The following KCNT2 variants were observed in gnomAD, a reference collection of about 807,000 sequenced individuals.
KCNT2 encodes the protein potassium sodium-activated channel subfamily T member 2.
A neutral mutation model predicts 153.8 loss-of-function variants in KCNT2; 67 were observed. The observed-to-expected ratio is 0.44, with a 90% CI of 0.36 to 0.53. The LOEUF (loss-of-function observed/expected upper bound fraction) is 0.53. Ranked by LOEUF, KCNT2 falls within the 20% of genes least tolerant of loss-of-function variation. The probability of loss-of-function intolerance (pLI) is 0.00; values close to 1 mark genes in which losing one functional copy is unlikely to be tolerated. For synonymous variants in KCNT2, 500 were observed against 458.8 expected, an observed-to-expected ratio of 1.09 and a Z score of -1.15; for missense variants, 975 against 1,354.8, an observed-to-expected ratio of 0.72 and a Z score of 4.40.
chr1:196,392,815 T>C (rs972015070), intron 13 of KCNT2, among the ~76,000 whole-genome samples: 4 of 151,444 alleles, frequency 2.6e-5, no homozygotes, highest in Non-Finnish European at 5.9e-5. Context: ...AATCAAACTC[T>C]ATGAATGATA....
At position 196,274,870 on chromosome 1, in the gene KCNT2, T is replaced by C. The variant is rs143335490; in HGVS notation, c.2910+5990A>G. ...CACACTGGAAAACTGGAGGCAAACA[T>C]AGGTCTACCTTTTCTTAACCAAAGG... On this transcript the variant is annotated intron_variant, in intron 25 of 27. Coordinates refer to ENST00000294725, the MANE Select transcript of KCNT2 (RefSeq NM_198503.5). Among the ~76,000 whole-genome samples, 54 of 151,964 alleles carry C rather than the reference T, an allele frequency of 3.6e-4. No homozygotes were observed. The East Asian group carries it at 8.3e-3, about 23-fold the overall frequency.
Position 196,428,129 on chromosome 1 carries a change from T to C in KCNT2, c.960A>G (p.Glu320=). The change falls in exon 10 of 28, where the codon GAA becomes GAG. Residue 320 remains glutamate (E), a synonymous_variant. Transcript: ENST00000294725. ...CCTGGAGCCTAGGATGAGCATAGAA[T>C]TCATTTAAAAAATCCATAAGTAAAT... ...KIDLLMDFLN[E]FYAHPRLQDY... 6.2e-7 allele frequency: 1 copy of C among 1,612,486 alleles called. No homozygotes were observed. The highest frequency in any genetic ancestry group is 8.5e-7 in the Non-Finnish European group (1 of 1,179,024).
chr1:196,481,934 T>C (rs1235877161), intron 4 of KCNT2, among the ~76,000 whole-genome samples: 1 of 152,162 alleles, frequency 6.6e-6, no homozygotes, highest in Non-Finnish European at 1.5e-5. Flanking sequence ...TAATTATTTA[T>C]TGATATTCTA....
At chr1:196,292,811 C>CAAA (rs750026564) in intron 22 of KCNT2, among the ~76,000 whole-genome samples, 11 of 69,282 alleles carry the variant, frequency 1.6e-4, no homozygotes, top group Non-Finnish European at 1.9e-4. Context: ...GACTCTGTCT[C>CAAA]AAAAAAAAAA....
chr1:196,536,553 T>C (rs1421541169), intron 1 of KCNT2, among the ~76,000 whole-genome samples: 6 of 152,188 alleles, frequency 3.9e-5, no homozygotes, highest in Non-Finnish European at 5.9e-5. Context: ...CCCATGGCCT[T>C]ATCTTGCATT....
chr1:196,479,095 A>G (rs748476229), intron 5 of KCNT2, 84 bp downstream of exon 5: 35 of 873,604 alleles, frequency 4.0e-5, no homozygotes, highest in Non-Finnish European at 5.5e-5. Flanking sequence ...CTTACCTTCC[A>G]GTGCGAACTA....
At chr1:196,506,300 C>A (rs1681132153) in intron 1 of KCNT2, among the ~76,000 whole-genome samples, 1 of 152,032 alleles carries the variant, frequency 6.6e-6, no homozygotes, top group African/African-American at 2.4e-5. Flanking sequence ...TGCAACAAAG[C>A]AATGACAACT....
Position 196,489,734 on chromosome 1 carries a change from A to G in KCNT2, c.275+104T>C, listed in dbSNP as rs541229504. 1.1e-5 allele frequency: 7 copies of G among 661,346 alleles called. No homozygotes were observed. In the East Asian group the frequency reaches 2.1e-4, roughly 20 times the overall value. 41.0% of individuals were successfully genotyped at this position (661,346 alleles called of 1,614,324 possible). ...TTTATTTGTGACAAACACCTAAAAT[A>G]CCCTTAAAAATTAAGCTCTACACAA... is the stretch of plus-strand genomic sequence containing the variant. On this transcript the variant is annotated intron_variant, in intron 3 of 27. Coordinates refer to ENST00000294725, the MANE Select transcript of KCNT2 (RefSeq NM_198503.5).
intron 25 of KCNT2, among the ~76,000 whole-genome samples, chr1:196,263,294 T>A (rs2147797743): frequency 6.6e-6 from 1 of 152,232 alleles, no homozygotes; most frequent in Non-Finnish European, 1.5e-5. Context: ...TACCATGGAA[T>A]ACTATGCAGC....
At chr1:196,587,164 A>G (rs530730372) in intron 1 of KCNT2, among the ~76,000 whole-genome samples, 3 of 152,218 alleles carry the variant, frequency 2.0e-5, no homozygotes, top group South Asian at 4.1e-4. Context: ...AAATCCTAAA[A>G]AATCGAATAA....
At chr1:196,515,738 C>T (rs956048481) in intron 1 of KCNT2, among the ~76,000 whole-genome samples, 3 of 152,166 alleles carry the variant, frequency 2.0e-5, no homozygotes, top group Non-Finnish European at 4.4e-5. Flanking sequence ...CATCCAGGTA[C>T]ATGCATTGGG....
At chr1:196,511,319 A>G (rs1311371024) in intron 1 of KCNT2, among the ~76,000 whole-genome samples, 1 of 152,206 alleles carries the variant, frequency 6.6e-6, no homozygotes, top group Non-Finnish European at 1.5e-5. Flanking sequence ...TTGACAGGCC[A>G]GAAACCTTCC....
chr1:196,348,394 G>A (rs144604634), intron 14 of KCNT2, among the ~76,000 whole-genome samples: 29 of 152,218 alleles, frequency 1.9e-4, no homozygotes, highest in African/African-American at 6.7e-4. Context: ...TTTAAGATGT[G>A]TTTACAGCAA....
At chr1:196,453,996 A>AT (rs140698730) in intron 8 of KCNT2, among the ~76,000 whole-genome samples, 50,510 of 151,316 alleles carry the variant, frequency 0.33, 8,442 homozygotes, top group Admixed American at 0.39. Context: ...TCATCTTTCC[A>AT]TTTTTTTTAT....
chr1:196,544,948 A>C (rs1404929395), intron 1 of KCNT2, among the ~76,000 whole-genome samples: 1 of 152,156 alleles, frequency 6.6e-6, no homozygotes, highest in Non-Finnish European at 1.5e-5. Flanking sequence ...CACAAAAATA[A>C]AAAGTTTGGA....
rs988108063 is a variant in KCNT2, at chr1:196,497,909, A to G, written c.96-5568T>C. On this transcript the variant is annotated intron_variant, in intron 1 of 27. Coordinates refer to ENST00000294725, the MANE Select transcript of KCNT2 (RefSeq NM_198503.5). ...GAGTTTTTCTTCTACAGTAATAATGATGTGATGTCTTTTTTAGATTATTCT... is the reference window on the plus strand; with the variant it reads ...GAGTTTTTCTTCTACAGTAATAATGGTGTGATGTCTTTTTTAGATTATTCT... Among the ~76,000 whole-genome samples, 4 of 152,120 alleles carry G rather than the reference A, an allele frequency of 2.6e-5. 1 individual carries two copies. Among genetic ancestry groups the G allele is most frequent in the Non-Finnish European group, 4.4e-5 (3 of 68,000 alleles).
intron 1 of KCNT2, among the ~76,000 whole-genome samples, chr1:196,505,283 A>G (rs1221077588): frequency 6.6e-6 from 1 of 152,328 alleles, no homozygotes; most frequent in Non-Finnish European, 1.5e-5. Flanking sequence ...GAAGGGATCC[A>G]GTTTCAGCTT....
At chr1:196,607,006 A>C (rs1665390602) in intron 1 of KCNT2, among the ~76,000 whole-genome samples, 1 of 152,200 alleles carries the variant, frequency 6.6e-6, no homozygotes, top group African/African-American at 2.4e-5. Context: ...GATTGAACCA[A>C]AATATCCTCT....
chr1:196,485,126 A>T (rs1454933240), intron 3 of KCNT2, among the ~76,000 whole-genome samples: 1 of 152,102 alleles, frequency 6.6e-6, no homozygotes, highest in Admixed American at 6.6e-5. Context: ...ATAAAAAGGA[A>T]TGAGATCAGG....
Sources: allele counts gnomAD v4.1 joint callset (sites outside exome capture counted in the v4.1 genomes callset), GRCh38; gene constraint gnomAD v4.1.1; transcripts MANE v1.5; gene names NCBI Gene and HGNC (gene_info 2026-07-23, HGNC 2026-07-21).